ATP13A4: variants seen among roughly 807,000 people sequenced by gnomAD.
ATP13A4 encodes ATPase 13A4.
A neutral mutation model predicts 142.5 loss-of-function variants in ATP13A4; 114 were observed. The ratio of observed to expected loss-of-function variants is 0.80; its 90% CI spans 0.69 to 0.93. The LOEUF (loss-of-function observed/expected upper bound fraction) is 0.93, where lower values mean the gene tolerates loss of function less well. Among genes scored for constraint, ATP13A4 ranks in the 40% least tolerant of loss-of-function variants. ATP13A4 has a pLI of 0.00. For synonymous variants in ATP13A4, 488 were observed against 514.8 expected (o/e 0.95, Z 0.70); for missense variants, 1,392 against 1,454.0 (o/e 0.96, Z 0.69).
intron 25 of ATP13A4, among the ~76,000 whole-genome samples, chr3:193,425,521 G>C (rs185335622): frequency 7.0e-4 from 107 of 151,776 alleles, no homozygotes; most frequent in Non-Finnish European, 1.2e-3. Flanking sequence ...GAATACTATT[G>C]AGCCTTAAAA....
chr3:193,405,306 T>A (rs898034309), intron 29 of ATP13A4, among the ~76,000 whole-genome samples: 9 of 152,216 alleles, frequency 5.9e-5, no homozygotes, highest in Admixed American at 5.9e-4. Context: ...AAAATAATGA[T>A]AATAAGTGGT....
chr3:193,579,395 G>A (rs1280529062), intron 2 of ATP13A4: 2 of 215,724 alleles, frequency 9.3e-6, no homozygotes, highest in Middle Eastern at 2.2e-3. Flanking sequence ...ATGTTGATAT[G>A]AGTCTTTTTC....
intron 25 of ATP13A4, among the ~76,000 whole-genome samples, chr3:193,421,816 G>A (rs969728305): frequency 6.7e-6 from 1 of 149,170 alleles, no homozygotes; most frequent in African/African-American, 2.5e-5. Flanking sequence ...TAAAGAGAAA[G>A]TAATCAAAAC....
intron 8 of ATP13A4, among the ~76,000 whole-genome samples, chr3:193,473,952 T>C (rs946648570): frequency 1.3e-5 from 2 of 152,192 alleles, no homozygotes; most frequent in African/African-American, 2.4e-5. Context: ...GACCATTAGT[T>C]GGGAGAAATG....
chr3:193,541,630 T>C (rs1368953911), intron 1 of ATP13A4, among the ~76,000 whole-genome samples: 1 of 152,160 alleles, frequency 6.6e-6, no homozygotes, highest in Non-Finnish European at 1.5e-5. Flanking sequence ...ACCCCATTTT[T>C]CTCACTCCAA....
intron 8 of ATP13A4, among the ~76,000 whole-genome samples, chr3:193,482,270 A>C (rs1184053103): frequency 6.6e-6 from 1 of 152,194 alleles, no homozygotes; most frequent in Non-Finnish European, 1.5e-5. Context: ...ATCGAAAAAA[A>C]ACAAAAACAA....
intron 29 of ATP13A4, among the ~76,000 whole-genome samples, 190 bp downstream of exon 29, chr3:193,407,123 A>G (rs942219979): frequency 2.0e-5 from 3 of 152,188 alleles, no homozygotes; most frequent in African/African-American, 7.2e-5. Flanking sequence ...TACTTGACAG[A>G]TGAGAAAACT....
intron 25 of ATP13A4, among the ~76,000 whole-genome samples, chr3:193,420,275 A>C (rs1251513223): frequency 3.3e-5 from 5 of 149,422 alleles, no homozygotes; most frequent in Non-Finnish European, 5.9e-5. Context: ...ATTGGCATTG[A>C]TCTTAGCTGA....
chr3:193,570,422 T>C (rs1387412988), intron 2 of ATP13A4, among the ~76,000 whole-genome samples: 1 of 152,220 alleles, frequency 6.6e-6, no homozygotes, highest in Non-Finnish European at 1.5e-5. Flanking sequence ...AGGAAAAGTA[T>C]TTTATTTCTT....
chr3:193,506,823 C>T (rs28507645), intron 2 of ATP13A4, among the ~76,000 whole-genome samples: 11,657 of 152,252 alleles, frequency 0.077, 567 homozygotes, highest in Admixed American at 0.1. Context: ...GATGTGTTTG[C>T]TTCCCCTTCC....
intron 17 of ATP13A4, among the ~76,000 whole-genome samples, chr3:193,452,486 T>C (rs1205085400): frequency 6.6e-6 from 1 of 151,840 alleles, no homozygotes; most frequent in African/African-American, 2.4e-5. Context: ...GGGCTTCATT[T>C]TACCCATCAC....
chr3:193,455,035 C>T (rs951273966), intron 16 of ATP13A4, among the ~76,000 whole-genome samples: 1 of 152,000 alleles, frequency 6.6e-6, no homozygotes, highest in Non-Finnish European at 1.5e-5. Flanking sequence ...AAACAAACAA[C>T]CTCATTAAAA....
At chr3:193,473,306 T>C (rs1034451534) in intron 8 of ATP13A4, among the ~76,000 whole-genome samples, 2 of 152,072 alleles carry the variant, frequency 1.3e-5, no homozygotes, top group African/African-American at 4.8e-5. Flanking sequence ...TCAAATAAAA[T>C]AAGGATTTAT....
chr3:193,551,156 A>G (rs1056338106), intron 1 of ATP13A4, among the ~76,000 whole-genome samples: 1 of 152,158 alleles, frequency 6.6e-6, no homozygotes, highest in African/African-American at 2.4e-5. Flanking sequence ...GCTCATGCCC[A>G]TAATCCCAGC....
chr3:193,566,541 C>T (rs1235944168), intron 2 of ATP13A4, among the ~76,000 whole-genome samples: 2 of 152,144 alleles, frequency 1.3e-5, no homozygotes, highest in African/African-American at 4.8e-5. Flanking sequence ...GCCTGGCACC[C>T]CTTTCCCTCT....
At chr3:193,453,051 T>C (rs950983602) in intron 17 of ATP13A4, among the ~76,000 whole-genome samples, 2 of 152,132 alleles carry the variant, frequency 1.3e-5, no homozygotes, top group African/African-American at 2.4e-5. Context: ...AACACACCTG[T>C]ATCAGTCTGT....
intron 1 of ATP13A4, among the ~76,000 whole-genome samples, chr3:193,537,563 T>C (rs979876160): frequency 1.2e-4 from 18 of 152,258 alleles, no homozygotes; most frequent in Admixed American, 1.2e-3. Context: ...ACTTGAAAAG[T>C]GTTATCCATA....
intron 18 of ATP13A4, among the ~76,000 whole-genome samples, chr3:193,444,789 T>C (rs183930871): frequency 4.1e-4 from 63 of 152,340 alleles, no homozygotes; most frequent in African/African-American, 1.5e-3. Context: ...TTAACATAGC[T>C]TCTCCCAGGT....
In ATP13A4 at chr3:193,582,698, CATATATAATATATATGTATATTACAT is replaced by C. The variant is rs1490183753; in HGVS notation, n.92-818_92-793del. Among the ~76,000 whole-genome samples, 10 of 55,760 alleles carry C rather than the reference CATATATAATATATATGTATATTACAT, an allele frequency of 1.8e-4. 2 individuals are homozygous for C. The highest frequency in any genetic ancestry group is 3.8e-4 in the East Asian group (1 of 2,664). The allele number at this position is 55,760 out of a possible 152,430, so 36.6% of individuals were successfully genotyped here. On this transcript the variant is annotated intron_variant and non_coding_transcript_variant, in intron 1 of 3. Coordinates refer to the ATP13A4 transcript ENST00000489140. ...ACATATATATTATATATGTGTATAA[CATATATAATATATATGTATATTACAT>C]ATATAAAATATATATGTATAATACA...
Sources: gnomAD v4.1 joint callset for allele counts (sites outside exome capture counted in the v4.1 genomes callset) on GRCh38, gnomAD v4.1.1 for gene constraint, MANE v1.5 for transcripts, NCBI Gene and HGNC (gene_info 2026-07-23, HGNC 2026-07-21) for gene names.